FAM174B: variants seen among roughly 807,000 people sequenced by gnomAD.
The protein encoded by FAM174B is family with sequence similarity 174 member B, also known as membrane protein FAM174B.
Under a neutral mutation model 10.9 loss-of-function variants are expected in FAM174B, and 12 were observed. The ratio of observed to expected loss-of-function variants is 1.10; its 90% CI spans 0.71 to 1.79. FAM174B has a LOEUF of 1.79. Ranked by LOEUF, FAM174B falls within the 40% of genes most tolerant of loss-of-function variation. The probability of loss-of-function intolerance (pLI) is 0.00; values close to 1 mark genes in which losing one functional copy is unlikely to be tolerated. For synonymous variants in FAM174B, 132 were observed against 115.8 expected, an observed-to-expected ratio of 1.14 and a Z score of -0.90; for missense variants, 266 against 233.3, an observed-to-expected ratio of 1.14 and a Z score of -0.91.
At chr15:92,620,209 G>A (rs544196599) in intron 2 of FAM174B, among the ~76,000 whole-genome samples, 1 of 152,194 alleles carries the variant, frequency 6.6e-6, no homozygotes, top group African/African-American at 2.4e-5. Context: ...GAAAACATAA[G>A]AAGTACAAGA....
In FAM174B at chr15:92,623,788, C is replaced by T. The variant is rs559650077; in HGVS notation, c.477-4329G>A. Among the ~76,000 whole-genome samples, 224 of 152,268 alleles carry T rather than the reference C, an allele frequency of 1.5e-3. 2 individuals carry two copies. The highest frequency in any genetic ancestry group is 0.015 in the South Asian group (70 of 4,824). On this transcript the variant is annotated intron_variant, in intron 2 of 2. Transcript: ENST00000327355. The stretch of plus-strand genomic sequence containing the variant: ...TGTGAGTATGTCTGAGACAGAGAAA[C>T]GTGTGGACACCACCACCACGTGACA...
At chr15:92,647,895 T>C (rs2050939120) in intron 1 of FAM174B, among the ~76,000 whole-genome samples, 1 of 152,186 alleles carries the variant, frequency 6.6e-6, no homozygotes, top group Non-Finnish European at 1.5e-5. Context: ...TACCATCTAT[T>C]CTCTCTGAAG....
intron 1 of FAM174B, among the ~76,000 whole-genome samples, chr15:92,631,366 ATTAT>A (rs2050811400): frequency 2.6e-5 from 1 of 38,942 alleles, no homozygotes; most frequent in Non-Finnish European, 4.0e-5. Flanking sequence ...TATATATTAT[ATTAT>A]ATATAATATA....
intron 1 of FAM174B, among the ~76,000 whole-genome samples, chr15:92,654,180 C>T (rs576200249): frequency 6.6e-6 from 1 of 152,360 alleles, no homozygotes; most frequent in South Asian, 2.1e-4. Context: ...CAACTGACAG[C>T]AAAGCTCAAT....
Position 92,618,916 on chromosome 15 carries a change from C to T in FAM174B, c.*540G>A, listed in dbSNP as rs931928079. 2.1e-6 allele frequency: 1 copy of T among 485,428 alleles called. No homozygotes were observed. The highest frequency in any genetic ancestry group is 3.7e-5 in the East Asian group (1 of 27,178). 30.1% of individuals were successfully genotyped at this position (485,428 alleles called of 1,614,324 possible). On this transcript the variant is annotated 3_prime_UTR_variant, in exon 3 of 3. Transcript: ENST00000327355. ...CTGGAAGGGGCTGACCAGCTCTAAGCACATCCACCTTGAACTCTGACACAG... is the reference window on the plus strand; with the variant it reads ...CTGGAAGGGGCTGACCAGCTCTAAGTACATCCACCTTGAACTCTGACACAG...
chr15:92,619,659 C>T (rs940530519), intron 2 of FAM174B, 200 bp from the exon 3 acceptor site: 33 of 615,070 alleles, frequency 5.4e-5, no homozygotes, highest in Middle Eastern at 8.7e-4. Flanking sequence ...CAGTTCCCAA[C>T]TAAGGATCCC....
chr15:92,639,153 C>T (rs1326185101), intron 1 of FAM174B: 2 of 152,406 alleles, frequency 1.3e-5, no homozygotes, highest in Admixed American at 1.3e-4. Flanking sequence ...AGGGTAGGAA[C>T]TCACCTCGGA....
At position 92,655,538 on chromosome 15, in the gene FAM174B, C is replaced by A. The variant is rs1186496907; in HGVS notation, c.122G>T (p.Arg41Leu). Reference sequence around the variant, plus strand: ...CGGGCCGGGCGGTGGCCGCGACTCGCGCTCGGGTTCGGGCCACGGCGCGGA... The same window carrying A: ...CGGGCCGGGCGGTGGCCGCGACTCGAGCTCGGGTTCGGGCCACGGCGCGGA... Reference protein sequence around the residue: ...SVSAPWPEPERESRPPPGPGP... With the variant: ...SVSAPWPEPELESRPPPGPGP... Residue 41 changes from arginine (R) to leucine (L), a missense_variant, in exon 1 of 3, where the codon CGC becomes CTC. By Grantham distance (102) the Arg-to-Leu change is moderately radical (BLOSUM62 -2). Transcript: ENST00000327355. 6.2e-6 allele frequency: 9 copies of A among 1,453,146 alleles called. No homozygotes were observed. Among genetic ancestry groups the A allele is most frequent in the Non-Finnish European group, 7.3e-6 (8 of 1,101,224 alleles). The allele number at this position is 1,453,146 out of a possible 1,614,324, so 90.0% of individuals were successfully genotyped here. A position where few individuals can be genotyped will look rare whatever the true frequency, so the allele number is the denominator to read the frequency against.
intron 2 of FAM174B, among the ~76,000 whole-genome samples, chr15:92,623,948 C>A (rs1204575488): frequency 6.6e-6 from 1 of 152,090 alleles, no homozygotes; most frequent in African/African-American, 2.4e-5. Context: ...TCCTTCCTTC[C>A]CTCTTTTCTT....
chr15:92,652,920 G>C (rs2050976366), intron 1 of FAM174B, among the ~76,000 whole-genome samples: 1 of 152,204 alleles, frequency 6.6e-6, no homozygotes, highest in Non-Finnish European at 1.5e-5. Context: ...AGACCGAATA[G>C]CACAGATGAG....
At chr15:92,639,403 C>G (rs561175381) in intron 1 of FAM174B, among the ~76,000 whole-genome samples, 1 of 152,150 alleles carries the variant, frequency 6.6e-6, no homozygotes, top group African/African-American at 2.4e-5. Context: ...AGTAAGATAC[C>G]GACCAATTTC....
intron 1 of FAM174B, among the ~76,000 whole-genome samples, chr15:92,646,701 C>T (rs1477995267): frequency 5.3e-5 from 8 of 152,210 alleles, no homozygotes; most frequent in African/African-American, 1.7e-4. Context: ...CTGGAGGCTT[C>T]GCCTGCATAA....
intron 1 of FAM174B, among the ~76,000 whole-genome samples, chr15:92,631,558 G>A (rs1226669890): frequency 2.3e-5 from 3 of 132,844 alleles, no homozygotes; most frequent in Non-Finnish European, 4.6e-5. Flanking sequence ...GCAGTGGCGT[G>A]ATCTCGGCTC....
At chr15:92,629,625 T>G (rs2050777449) in intron 2 of FAM174B, among the ~76,000 whole-genome samples, 2 of 152,016 alleles carry the variant, frequency 1.3e-5, no homozygotes, top group African/African-American at 4.8e-5. Context: ...TAAAGGTGAC[T>G]TTGTGTTCTC....
chr15:92,617,469 T>C lies in FAM174B; in HGVS notation c.*1987A>G, dbSNP rs1261708907. 2 of 493,988 alleles carry C rather than the reference T, an allele frequency of 4.0e-6. No individual in the cohort carries two copies. The highest frequency in any genetic ancestry group is 4.2e-5 in the Admixed American group (1 of 23,936). 30.6% of individuals were successfully genotyped at this position (493,988 alleles called of 1,614,324 possible). A position where few individuals can be genotyped will look rare whatever the true frequency, so the allele number is the denominator to read the frequency against. On this transcript the variant is annotated 3_prime_UTR_variant, in exon 3 of 3. Coordinates refer to ENST00000327355, the MANE Select transcript of FAM174B (RefSeq NM_207446.3). ...ATGGTTTGTGTGTAAAGGGTTTTTA[T>C]TGGAGAGCCTGTGGCGCTGAAGTGC...
intron 2 of FAM174B, among the ~76,000 whole-genome samples, chr15:92,623,979 TTTTG>T (rs1567042556): frequency 1.3e-5 from 2 of 152,350 alleles, no homozygotes; most frequent in African/African-American, 4.8e-5. Context: ...TCTCTTTCCT[TTTTG>T]TTTATTTGAT....
In FAM174B at chr15:92,655,408, G is replaced by T; in HGVS notation, c.252C>A (p.Leu84=). 1 of 1,601,052 alleles carries T rather than the reference G, an allele frequency of 6.2e-7. No individual in the cohort carries two copies. The highest frequency in any genetic ancestry group is 8.5e-7 in the Non-Finnish European group (1 of 1,174,930). ...CCTTGAGGGTGGGTAGGTCGCGGAG[G>T]AGGATGGAAATGCGGGTCACCAAGG... is the stretch of plus-strand genomic sequence containing the variant. The part of the protein sequence containing the change: ...GDALVTRISI[L]LRDLPTLKAA... Residue 84 remains leucine, a synonymous_variant, in exon 1 of 3, where the codon CTC becomes CTA. Coordinates refer to ENST00000327355, the MANE Select transcript of FAM174B (RefSeq NM_207446.3).
At chr15:92,629,177 A>T (rs1186973240) in intron 2 of FAM174B, among the ~76,000 whole-genome samples, 1 of 152,188 alleles carries the variant, frequency 6.6e-6, no homozygotes, top group Non-Finnish European at 1.5e-5. Flanking sequence ...GATAGGGACC[A>T]GCCTGCATTT....
intron 1 of FAM174B, among the ~76,000 whole-genome samples, chr15:92,651,917 G>A (rs1445640177): frequency 1.3e-5 from 2 of 152,100 alleles, no homozygotes; most frequent in Non-Finnish European, 2.9e-5. Flanking sequence ...CTGTTGTCTG[G>A]TAAGGTGACT....
Sources: gnomAD v4.1 joint callset for allele counts (sites outside exome capture counted in the v4.1 genomes callset) on GRCh38, gnomAD v4.1.1 for gene constraint, MANE v1.5 for transcripts, NCBI Gene and HGNC (gene_info 2026-07-23, HGNC 2026-07-21) for gene names.